CSMD1: variants seen among roughly 807,000 people sequenced by gnomAD.
CSMD1 encodes CUB and Sushi multiple domains 1.
In CSMD1, 213 loss-of-function variants were observed where a neutral mutation model predicts 417.5. That is an observed-to-expected ratio of 0.51 (90% CI 0.46 to 0.57). The LOEUF is 0.57. Among genes scored for constraint, CSMD1 ranks in the 20% least tolerant of loss-of-function variants. The pLI is 0.00. For synonymous variants in CSMD1, 2,862 were observed against 1,736.8 expected (o/e 1.65, Z -16.11); for missense variants, 6,923 against 4,529.7 (o/e 1.53, Z -15.17).
intron 23 of CSMD1, among the ~76,000 whole-genome samples, chr8:3,310,431 G>C (rs190284491): frequency 2.0e-5 from 3 of 152,322 alleles, no homozygotes; most frequent in Admixed American, 6.5e-5. Flanking sequence ...CAGCAAACTA[G>C]AGGCAGAATG....
chr8:3,009,348 G>A (rs1402261076), intron 52 of CSMD1, among the ~76,000 whole-genome samples: 2 of 152,186 alleles, frequency 1.3e-5, no homozygotes, highest in East Asian at 3.8e-4. Flanking sequence ...GGTACTTATT[G>A]CTGAAAATAA....
In CSMD1 at chr8:3,108,583, C is replaced by G. The variant is rs781461219; in HGVS notation, c.6754+20G>C. The stretch of plus-strand genomic sequence containing the variant: ...ACATGGAATTCTCAGTCTTAACTAA[C>G]GGAGTGAAAATCAACTGACCGTGGA... On this transcript the variant is annotated intron_variant, in intron 44 of 69. Transcript: ENST00000635120. The G allele has an allele frequency of 1.6e-5, 25 of 1,612,150 alleles. No individual in the cohort carries two copies. The highest frequency in any genetic ancestry group is 5.3e-5 in the African/African-American group (4 of 74,892).
chr8:3,296,949 TA>T (rs1804018267), intron 25 of CSMD1, among the ~76,000 whole-genome samples: 1 of 152,102 alleles, frequency 6.6e-6, no homozygotes, highest in East Asian at 1.9e-4. Context: ...GTGGAGAAAA[TA>T]AACATGTATG....
intron 4 of CSMD1, among the ~76,000 whole-genome samples, chr8:4,017,724 G>A (rs1276642813): frequency 3.3e-5 from 5 of 152,058 alleles, no homozygotes; most frequent in African/African-American, 1.2e-4. Context: ...TTGTGCCTCG[G>A]CATTGTGTGT....
At chr8:3,960,503 T>G (rs1483445031) in intron 5 of CSMD1, among the ~76,000 whole-genome samples, 1 of 152,160 alleles carries the variant, frequency 6.6e-6, no homozygotes, top group Non-Finnish European at 1.5e-5. Context: ...CTTATAAATA[T>G]TGAGAAAATT....
At chr8:4,775,671 G>A (rs1796816492) in intron 1 of CSMD1, among the ~76,000 whole-genome samples, 1 of 152,138 alleles carries the variant, frequency 6.6e-6, no homozygotes, top group Admixed American at 6.5e-5. Flanking sequence ...TGCTGTTTAA[G>A]AGGAAAGACT....
intron 3 of CSMD1, among the ~76,000 whole-genome samples, chr8:4,182,961 G>C (rs926493849): frequency 1.3e-5 from 2 of 152,036 alleles, no homozygotes; most frequent in Non-Finnish European, 2.9e-5. Context: ...GGCCAATAAA[G>C]AAAGAGGCAA....
chr8:4,893,430 A>C (rs1804262790), intron 1 of CSMD1, among the ~76,000 whole-genome samples: 1 of 152,030 alleles, frequency 6.6e-6, no homozygotes, highest in South Asian at 2.1e-4. Context: ...AGATGTAGTT[A>C]AATGTTTTTC....
chr8:4,274,416 T>C (rs888490352), intron 3 of CSMD1, among the ~76,000 whole-genome samples: 3 of 152,162 alleles, frequency 2.0e-5, no homozygotes, highest in African/African-American at 4.8e-5. Context: ...AAAATGTCTC[T>C]GGTGCCCAAG....
intron 12 of CSMD1, among the ~76,000 whole-genome samples, chr8:3,415,251 A>AT (rs142412320): frequency 6.6e-6 from 1 of 152,112 alleles, no homozygotes; most frequent in African/African-American, 2.4e-5. Context: ...CATACTTCTG[A>AT]TTTTTTTCTT....
intron 1 of CSMD1, among the ~76,000 whole-genome samples, chr8:4,764,909 A>C (rs1194316570): frequency 8.8e-5 from 13 of 147,546 alleles, no homozygotes; most frequent in Admixed American, 1.3e-4. Flanking sequence ...AACAACAAAA[A>C]AAAACCTTTG....
intron 3 of CSMD1, among the ~76,000 whole-genome samples, chr8:4,381,286 G>A (rs1479144242): frequency 3.3e-5 from 5 of 152,164 alleles, no homozygotes; most frequent in African/African-American, 1.2e-4. Context: ...CCTTCCAGAG[G>A]TTGGGGAAAC....
chr8:4,854,807 C>T (rs376750673), intron 1 of CSMD1, among the ~76,000 whole-genome samples: 23 of 152,182 alleles, frequency 1.5e-4, no homozygotes, highest in East Asian at 1.2e-3. Flanking sequence ...AGTCTGAGAT[C>T]AAACTGCAAG....
At chr8:3,984,934 C>T (rs965864885) in intron 5 of CSMD1, among the ~76,000 whole-genome samples, 2 of 151,776 alleles carry the variant, frequency 1.3e-5, no homozygotes, top group African/African-American at 4.8e-5. Flanking sequence ...CATTATAAGC[C>T]TTTAAAATTA....
At chr8:4,209,918 G>A (rs1800208218) in intron 3 of CSMD1, among the ~76,000 whole-genome samples, 2 of 152,136 alleles carry the variant, frequency 1.3e-5, no homozygotes, top group Non-Finnish European at 2.9e-5. Context: ...ATGGAAAGCG[G>A]TGACCACGTC....
intron 5 of CSMD1, among the ~76,000 whole-genome samples, chr8:3,889,077 C>A (rs965799853): frequency 5.9e-5 from 9 of 151,968 alleles, no homozygotes; most frequent in Non-Finnish European, 1.2e-4. Flanking sequence ...TATCTTTTTT[C>A]TGCTGGTGAC....
chr8:4,022,436 T>C (rs1475665255), intron 4 of CSMD1, among the ~76,000 whole-genome samples: 1 of 152,146 alleles, frequency 6.6e-6, no homozygotes, highest in East Asian at 1.9e-4. Flanking sequence ...AATACATCCA[T>C]GGGCGTGGAT....
intron 2 of CSMD1, among the ~76,000 whole-genome samples, chr8:4,495,070 G>T (rs12676659): frequency 0.12 from 18,733 of 152,076 alleles, 1,277 homozygotes; most frequent in South Asian, 0.24. Flanking sequence ...AGGGAGACAA[G>T]GAAAGAAACC....
intron 10 of CSMD1, among the ~76,000 whole-genome samples, chr8:3,550,567 A>T (rs1280017800): frequency 6.6e-6 from 1 of 152,220 alleles, no homozygotes; most frequent in African/African-American, 2.4e-5. Context: ...TCAAACACTT[A>T]TCTTATGGGT....
Sources: gnomAD v4.1 joint callset for allele counts (sites outside exome capture counted in the v4.1 genomes callset) on GRCh38, gnomAD v4.1.1 for gene constraint, MANE v1.5 for transcripts, NCBI Gene and HGNC (gene_info 2026-07-23, HGNC 2026-07-21) for gene names.